TTLL10: variants seen among roughly 807,000 people sequenced by gnomAD.
TTLL10 encodes inactive polyglycylase TTLL10.
A neutral mutation model predicts 69.0 loss-of-function variants in TTLL10; 61 were observed. The observed-to-expected ratio is 0.88, with a 90% CI of 0.72 to 1.09. TTLL10 has a LOEUF of 1.09. TTLL10 is among the 50% of genes least tolerant of loss of function. The probability of loss-of-function intolerance (pLI) is 0.00; values close to 1 mark genes in which losing one functional copy is unlikely to be tolerated. For missense variants in TTLL10, 962 were observed against 945.9 expected (o/e 1.02, Z -0.22); for synonymous variants, 408 against 393.3 (o/e 1.04, Z -0.44).
chr1:1,179,860 A>C, intron 5 of TTLL10, 123 bp downstream of exon 5: 1 of 1,444,328 alleles, frequency 6.9e-7, no homozygotes, highest in Non-Finnish European at 9.1e-7. Context: ...AGATGTAAGC[A>C]GTCCCCAGGC....
Position 1,185,469 on chromosome 1 carries a change from C to T in TTLL10, c.1401+360C>T, listed in dbSNP as rs1647251704. Reference sequence around the variant, plus strand: ...GGCAGGCAGGGCCAACAGCAGCCCCCGGGCCAGGTGTCCTGGAGCAGCAGC... The same window carrying T: ...GGCAGGCAGGGCCAACAGCAGCCCCTGGGCCAGGTGTCCTGGAGCAGCAGC... On this transcript the variant is annotated intron_variant, in intron 13 of 15. Coordinates refer to ENST00000379289, the MANE Select transcript of TTLL10 (RefSeq NM_001130045.2). The surrounding 1 kb of genome is among the most constrained non-coding windows in gnomAD (Gnocchi z 6.1). 2 of 1,079,094 alleles carry T rather than the reference C, an allele frequency of 1.9e-6. No homozygotes were observed. Among genetic ancestry groups the T allele is most frequent in the Admixed American group, 5.2e-5 (1 of 19,398 alleles). 66.8% of individuals were successfully genotyped at this position (1,079,094 alleles called of 1,614,324 possible). A position where few individuals can be genotyped will look rare whatever the true frequency, so the allele number is the denominator to read the frequency against.
chr1:1,181,820 A>ACTCAG lies in TTLL10; in HGVS notation c.830+7_830+11dup, dbSNP rs200289943. The stretch of plus-strand genomic sequence containing the variant: ...AGGATACCTCAGGCCACAGAGGTAG[A>ACTCAG]CTCAGCCCAGCTGTGAGGGGCCCTT... On this transcript the variant is annotated splice_donor_region_variant and intron_variant, in intron 9 of 15. Transcript: ENST00000379289. The surrounding 1 kb of genome is among the most constrained non-coding windows in gnomAD (Gnocchi z 4.6). The ACTCAG allele has an allele frequency of 0.022, 34,576 of 1,603,448 alleles. 498 individuals are homozygous for ACTCAG. The highest frequency in any genetic ancestry group is 0.024 in the Non-Finnish European group (28,283 of 1,175,866).
At chr1:1,189,952 A>G (rs1570434631) in intron 13 of TTLL10, among the ~76,000 whole-genome samples, 2 of 152,196 alleles carry the variant, frequency 1.3e-5, no homozygotes, top group Admixed American at 1.3e-4. Context: ...CTCTACTAAA[A>G]ATACAAAAAA....
At chr1:1,175,301 C>T (rs1377739391) in intron 3 of TTLL10, 2 of 165,256 alleles carry the variant, frequency 1.2e-5, no homozygotes, top group Admixed American at 1.1e-4. Flanking sequence ...GCAGAAGAGA[C>T]GGAGGCAGTT....
At chr1:1,188,508 G>A (rs193046840) in intron 13 of TTLL10, among the ~76,000 whole-genome samples, 5 of 151,500 alleles carry the variant, frequency 3.3e-5, no homozygotes, top group African/African-American at 9.7e-5. Context: ...AGGTTCAAGC[G>A]ATTCTCCTGC....
chr1:1,182,726 G>A, intron 10 of TTLL10, 150 bp from the exon 11 acceptor site: 1 of 1,180,550 alleles, frequency 8.5e-7, no homozygotes, highest in South Asian at 1.6e-5. Context: ...ACGGGCAGGA[G>A]CTGGGGCCAG....
intron 13 of TTLL10, among the ~76,000 whole-genome samples, chr1:1,189,086 T>C (rs1428080323): frequency 6.6e-6 from 1 of 152,258 alleles, no homozygotes; most frequent in Admixed American, 6.5e-5. Context: ...GATCATGTCA[T>C]CTGGAATAGA....
At position 1,184,014 on chromosome 1, in the gene TTLL10, G is replaced by A. The variant is rs1647165561; in HGVS notation, c.1183G>A (p.Gly395Ser). Residue 395 changes from glycine to serine, a missense_variant, in exon 12 of 16, where the codon GGC becomes AGC. Transcript: ENST00000379289. The part of the protein sequence containing the change: ...ACTTPYMIFF[G>S]HGYARLTLSL... ...CACCACACCCTACATGATCTTCTTT[G>A]GCCACGGCTATGCTCGCCTCACCCT... The A allele has an allele frequency of 6.2e-7, 1 of 1,614,162 alleles. No individual in the cohort carries two copies. Among genetic ancestry groups the A allele is most frequent in the African/African-American group, 1.3e-5 (1 of 75,052 alleles).
In TTLL10 at chr1:1,184,060, C is replaced by A. The variant is rs746876916; in HGVS notation, c.1229C>A (p.Ser410Tyr). 1 of 1,614,224 alleles carries A rather than the reference C, an allele frequency of 6.2e-7. No individual in the cohort carries two copies. Residue 410 changes from serine to tyrosine, a missense_variant, in exon 12 of 16, where the codon TCC becomes TAC. By Grantham distance (144) the Ser-to-Tyr change is moderately radical. Coordinates refer to ENST00000379289, the MANE Select transcript of TTLL10 (RefSeq NM_001130045.2). ...RLTLSLYDPH[S>Y]SDLGGHLTNQ... ...ACCCTTAGCCTTTACGACCCCCATT[C>A]CAGCGACCTCGGCGGCCACTTGACC...
At chr1:1,182,286 G>A in intron 9 of TTLL10, 75 bp from the exon 10 acceptor site, 1 of 1,353,644 alleles carries the variant, frequency 7.4e-7, no homozygotes, top group Non-Finnish European at 1.1e-6. Context: ...CCGGGCCACA[G>A]GCTGGGCCTC....
chr1:1,196,291 C>T, intron 13 of TTLL10: 1 of 347,740 alleles, frequency 2.9e-6, no homozygotes, highest in Non-Finnish European at 5.5e-6. Context: ...CAGTTCTTAC[C>T]AAGATTCGAG....
chr1:1,180,548 C>A lies in TTLL10; in HGVS notation c.572C>A (p.Thr191Lys). The A allele has an allele frequency of 1.3e-6, 2 of 1,552,714 alleles. No individual in the cohort carries two copies. The highest frequency in any genetic ancestry group is 2.7e-5 in the African/African-American group (2 of 73,352). Residue 191 changes from threonine (T) to lysine (K), a missense_variant, in exon 7 of 16, where the codon ACG becomes AAG. By Grantham distance (78) the Thr-to-Lys change is moderately conservative (BLOSUM62 -1). Transcript: ENST00000379289. ...RIHDSRRDDY[T>K]LKWCEVKSRD... ...CATGACAGCCGCCGGGACGACTACA[C>A]GCTGAAGTGGTGTGAGGTCAAGAGC...
chr1:1,180,440 C>CT, intron 6 of TTLL10, 43 bp from the exon 7 acceptor site: 1 of 1,519,502 alleles, frequency 6.6e-7, no homozygotes, highest in Admixed American at 2.0e-5. Context: ...TCCCCAACCC[C>CT]TTGCCTCGGC....
chr1:1,194,292 G>T (rs11260554), intron 13 of TTLL10, among the ~76,000 whole-genome samples: 20,448 of 152,192 alleles, frequency 0.13, 2,525 homozygotes, highest in East Asian at 0.59. Context: ...CTCTCATGCT[G>T]TTGTCACAAA....
At position 1,181,108 on chromosome 1, in the gene TTLL10, C is replaced by T. The variant is rs1647054207; in HGVS notation, c.755+248C>T. On this transcript the variant is annotated intron_variant, in intron 8 of 15. Coordinates refer to ENST00000379289, the MANE Select transcript of TTLL10 (RefSeq NM_001130045.2). The surrounding 1 kb of genome is among the most constrained non-coding windows in gnomAD (Gnocchi z 4.6). Reference sequence around the variant, plus strand: ...CACCTGCCTCCACCTTCCACCTGTCCTTTAAAGGGCCAAACCCCTGTCCCA... The same window carrying T: ...CACCTGCCTCCACCTTCCACCTGTCTTTTAAAGGGCCAAACCCCTGTCCCA... 6.6e-6 allele frequency among the ~76,000 whole-genome samples: 1 copy of T among 150,770 alleles called. No individual in the cohort carries two copies. The highest frequency in any genetic ancestry group is 1.5e-5 in the Non-Finnish European group (1 of 67,676).
chr1:1,197,197 A>G lies in TTLL10; in HGVS notation c.1612+11A>G. The stretch of plus-strand genomic sequence containing the variant: ...TCATCGAGACCCTGGGTGAGCCTCC[A>G]AGCCCCCACCCCACACCCCCACAAC... On this transcript the variant is annotated intron_variant, in intron 15 of 15. Coordinates refer to ENST00000379289, the MANE Select transcript of TTLL10 (RefSeq NM_001130045.2). 1 of 1,547,736 alleles carries G rather than the reference A, an allele frequency of 6.5e-7. No homozygotes were observed. Among genetic ancestry groups the G allele is most frequent in the Non-Finnish European group, 8.7e-7 (1 of 1,145,400 alleles).
intron 3 of TTLL10, chr1:1,176,199 G>GGA (rs778760285): frequency 2.2e-6 from 1 of 450,454 alleles, no homozygotes; most frequent in African/African-American, 2.0e-5. Flanking sequence ...CTGTGCCGGT[G>GGA]GAGAGGCTGC....
At chr1:1,179,862 T>TC (rs1646990765) in intron 5 of TTLL10, 125 bp downstream of exon 5, 1 of 1,440,870 alleles carries the variant, frequency 6.9e-7, no homozygotes, top group East Asian at 2.5e-5. Context: ...ATGTAAGCAG[T>TC]CCCCAGGCCG....
Position 1,180,275 on chromosome 1 carries a change from G to A in TTLL10, c.441G>A (p.Lys147=), listed in dbSNP as rs758839047. The A allele has an allele frequency of 1.3e-6, 2 of 1,597,202 alleles. No individual in the cohort carries two copies. The highest frequency in any genetic ancestry group is 1.1e-5 in the South Asian group (1 of 88,798). The stretch of plus-strand genomic sequence containing the variant: ...AGGGGCTCCTGCTGGGGGGTGGGAA[G>A]CCATCGCCCCACAGCACCCGGCCGG... ...LLEGLLLGGG[K]PSPHSTRPGP... Residue 147 remains lysine (K), a synonymous_variant, in exon 6 of 16, where the codon AAG becomes AAA. Transcript: ENST00000379289.
Sources: gnomAD v4.1 joint callset for allele counts (sites outside exome capture counted in the v4.1 genomes callset) on GRCh38, gnomAD v4.1.1 for gene constraint, Gnocchi (gnomAD v3.1) non-coding constraint, MANE v1.5 for transcripts, NCBI Gene and HGNC (gene_info 2026-07-23, HGNC 2026-07-21) for gene names.